Variants in CNGA1 observed in about 807,000 individuals in gnomAD.
The protein encoded by CNGA1 is cyclic nucleotide gated channel subunit alpha 1, also known as cyclic nucleotide-gated channel alpha-1.
A neutral mutation model predicts 69.7 loss-of-function variants in CNGA1; 53 were observed. That is an observed-to-expected ratio of 0.76 (90% CI 0.61 to 0.96). The LOEUF is 0.96. Ranked by LOEUF, CNGA1 falls within the 40% of genes least tolerant of loss-of-function variation. CNGA1 has a pLI of 0.00. For synonymous variants in CNGA1, 249 were observed against 283.5 expected (o/e 0.88, Z 1.22); for missense variants, 739 against 811.2 (o/e 0.91, Z 1.08).
intron 3 of CNGA1, among the ~76,000 whole-genome samples, chr4:47,954,552 A>G (rs1739947821): frequency 6.6e-6 from 1 of 152,218 alleles, no homozygotes; most frequent in African/African-American, 2.4e-5. Flanking sequence ...AAACCTTCCC[A>G]TTTTATAACC....
chr4:47,971,754 C>T (rs2110198451), intron 3 of CNGA1, among the ~76,000 whole-genome samples: 1 of 152,170 alleles, frequency 6.6e-6, no homozygotes. Context: ...ATTAGCCGGG[C>T]ATGGTGGCAT....
intron 3 of CNGA1, among the ~76,000 whole-genome samples, chr4:47,974,911 C>T (rs1741271145): frequency 6.6e-6 from 1 of 151,920 alleles, no homozygotes; most frequent in South Asian, 2.1e-4. Context: ...TTACAGGGTC[C>T]TCTCTTCTGT....
chr4:47,939,655 C>T (rs1015047225), intron 10 of CNGA1, among the ~76,000 whole-genome samples: 3 of 152,136 alleles, frequency 2.0e-5, no homozygotes, highest in Non-Finnish European at 2.9e-5. Flanking sequence ...TTCTAACTCC[C>T]GTTAGTGTCC....
intron 2 of CNGA1, among the ~76,000 whole-genome samples, chr4:47,990,739 C>G (rs1003111561): frequency 6.6e-6 from 1 of 152,120 alleles, no homozygotes; most frequent in African/African-American, 2.4e-5. Flanking sequence ...TAAAATTTCT[C>G]TCTTTGTACT....
chr4:47,954,533 G>A (rs1739946397), intron 3 of CNGA1, among the ~76,000 whole-genome samples: 1 of 152,204 alleles, frequency 6.6e-6, no homozygotes, highest in South Asian at 2.1e-4. Flanking sequence ...TCCTGCAAGG[G>A]GAATCAGAAA....
intron 2 of CNGA1, among the ~76,000 whole-genome samples, chr4:47,988,106 A>G (rs754869677): frequency 6.6e-6 from 1 of 152,124 alleles, no homozygotes; most frequent in Non-Finnish European, 1.5e-5. Context: ...TTCTTGATAT[A>G]TTTTTAAGAC....
rs968469674 is a variant in CNGA1 at position 48,016,610 on chromosome 4, A to C, written c.-350T>G. 3.7e-6 allele frequency: 2 copies of C among 536,924 alleles called. No individual in the cohort carries two copies. The highest frequency in any genetic ancestry group is 6.5e-6 in the Non-Finnish European group (2 of 308,466). 33.3% of individuals were successfully genotyped at this position (536,924 alleles called of 1,614,324 possible). On this transcript the variant is annotated 5_prime_UTR_variant, in exon 1 of 11. Coordinates refer to ENST00000514170, the MANE Select transcript of CNGA1 (RefSeq NM_001379270.1). ...TCCTGCCAGATACACCAGTTATCAC[A>C]GGCCGCTCCCAGGCCTGCGGGGGCC... is the stretch of plus-strand genomic sequence containing the variant.
At chr4:47,986,266 G>T (rs969932854) in intron 2 of CNGA1, among the ~76,000 whole-genome samples, 6 of 152,054 alleles carry the variant, frequency 3.9e-5, no homozygotes, top group African/African-American at 1.4e-4. Context: ...AATGAGCAAG[G>T]CATGATGGTG....
At chr4:47,963,524 A>G (rs544540513) in intron 3 of CNGA1, among the ~76,000 whole-genome samples, 2 of 152,226 alleles carry the variant, frequency 1.3e-5, no homozygotes, top group Non-Finnish European at 2.9e-5. Flanking sequence ...TAGGAAATTC[A>G]TCTTATTTTC....
intron 3 of CNGA1, among the ~76,000 whole-genome samples, chr4:47,976,178 CATATATATATACATATATATGTATAT>C (rs1741355880): frequency 2.0e-5 from 1 of 50,112 alleles, no homozygotes; most frequent in Non-Finnish European, 3.6e-5. Flanking sequence ...TATACACATA[CATATATATATACATATATATGTATAT>C]ATATATATAC....
chr4:48,008,882 A>G (rs1279971285), intron 2 of CNGA1, among the ~76,000 whole-genome samples: 2 of 152,244 alleles, frequency 1.3e-5, no homozygotes, highest in Admixed American at 6.5e-5. Context: ...TGTGGATTAC[A>G]CTGCCTAATG....
rs1426806206 is a variant in CNGA1 at position 48,016,526 on chromosome 4, G to C, written c.-266C>G. On this transcript the variant is annotated 5_prime_UTR_variant, in exon 1 of 11. Transcript: ENST00000514170. ...CCGAGAGACGCTGTTGCTCTATGAG[G>C]CGTGTCTGTGTTTCTCTAGTTCGCG... 1 of 438,608 alleles carries C rather than the reference G, an allele frequency of 2.3e-6. No homozygotes were observed. The highest frequency in any genetic ancestry group is 2.1e-5 in the African/African-American group (1 of 47,460). 27.2% of individuals were successfully genotyped at this position (438,608 alleles called of 1,614,324 possible).
intron 3 of CNGA1, among the ~76,000 whole-genome samples, chr4:47,963,480 G>A (rs928569871): frequency 3.9e-5 from 6 of 152,172 alleles, no homozygotes; most frequent in Admixed American, 6.6e-5. Flanking sequence ...TGCCTTATGA[G>A]TAGCCTGTTC....
chr4:47,950,202 G>T (rs1174184607), intron 5 of CNGA1, among the ~76,000 whole-genome samples: 1 of 152,158 alleles, frequency 6.6e-6, no homozygotes, highest in African/African-American at 2.4e-5. Flanking sequence ...CCACGGGAGG[G>T]ACCCAGTGGG....
At chr4:47,951,095 A>G (rs1265934846) in intron 5 of CNGA1, among the ~76,000 whole-genome samples, 1 of 152,216 alleles carries the variant, frequency 6.6e-6, no homozygotes, top group Non-Finnish European at 1.5e-5. Flanking sequence ...CGGCATGGGT[A>G]AGGAACAGAA....
At chr4:47,970,913 T>C (rs1740979814) in intron 3 of CNGA1, 1 of 453,714 alleles carries the variant, frequency 2.2e-6, no homozygotes, top group Non-Finnish European at 4.4e-6. Flanking sequence ...ACCAGCACTT[T>C]GGGAGGCTGA....
intron 2 of CNGA1, among the ~76,000 whole-genome samples, chr4:48,000,742 G>A (rs557685100): frequency 0.031 from 214 of 6,926 alleles, 4 homozygotes; most frequent in South Asian, 0.29. Context: ...TGGGGGAAGC[G>A]GGGGGGTGGG....
intron 3 of CNGA1, among the ~76,000 whole-genome samples, chr4:47,956,204 A>G (rs1740076389): frequency 6.6e-6 from 1 of 152,218 alleles, no homozygotes. Flanking sequence ...TGGATCTTCC[A>G]TTTCTGCTAT....
At chr4:47,962,326 A>T (rs1420771183) in intron 3 of CNGA1, among the ~76,000 whole-genome samples, 1 of 144,828 alleles carries the variant, frequency 6.9e-6, no homozygotes, top group Non-Finnish European at 1.5e-5. Context: ...GCCTGGCAAC[A>T]GAGCGAGACT....
Sources: gnomAD v4.1 joint callset for allele counts (sites outside exome capture counted in the v4.1 genomes callset) on GRCh38, gnomAD v4.1.1 for gene constraint, MANE v1.5 for transcripts, NCBI Gene and HGNC (gene_info 2026-07-23, HGNC 2026-07-21) for gene names.